Variants in RANBP17 observed in about 807,000 individuals in gnomAD.
RANBP17 encodes ran-binding protein 17.
A neutral mutation model predicts 141.2 loss-of-function variants in RANBP17; 158 were observed. The ratio of observed to expected loss-of-function variants is 1.12; its 90% CI spans 0.98 to 1.28. RANBP17 has a LOEUF of 1.28. Ranked by LOEUF, RANBP17 falls within the 50% of genes most tolerant of loss-of-function variation. The pLI, the probability that RANBP17 is intolerant of heterozygous loss-of-function variation, is 0.00. For missense variants in RANBP17, 1,438 were observed against 1,290.7 expected (o/e 1.11, Z -1.75); for synonymous variants, 430 against 450.0 (o/e 0.96, Z 0.56).
At chr5:171,006,633 A>G (rs1344061534) in intron 14 of RANBP17, among the ~76,000 whole-genome samples, 2 of 152,040 alleles carry the variant, frequency 1.3e-5, no homozygotes, top group Non-Finnish European at 2.9e-5. Flanking sequence ...ATTAGGAGAT[A>G]TACCTAATGT....
At chr5:170,998,835 T>A (rs368117466) in intron 14 of RANBP17, among the ~76,000 whole-genome samples, 12 of 152,304 alleles carry the variant, frequency 7.9e-5, no homozygotes, top group African/African-American at 2.9e-4. Context: ...TCAGATTTTT[T>A]CTAGTAATTT....
At chr5:171,006,131 G>C (rs566724810) in intron 14 of RANBP17, among the ~76,000 whole-genome samples, 76 of 152,248 alleles carry the variant, frequency 5.0e-4, no homozygotes, top group Admixed American at 4.1e-3. Flanking sequence ...AATAGGAACA[G>C]TTTTACACTG....
rs1001993419 is a variant in RANBP17 at position 170,918,707 on chromosome 5, A to T, written c.955-6A>T. 6.3e-5 allele frequency: 101 copies of T among 1,591,194 alleles called. No individual in the cohort carries two copies. Among genetic ancestry groups the T allele is most frequent in the Non-Finnish European group, 8.4e-5 (98 of 1,170,232 alleles). ...TTTAAGCCTTTCTTTTTGTCTCATA[A>T]TTTAGGGTTTGTCTGATCCAGGTAA... On this transcript the variant is annotated splice_region_variant and splice_polypyrimidine_tract_variant and intron_variant, in intron 9 of 27. Transcript: ENST00000523189.
intron 14 of RANBP17, among the ~76,000 whole-genome samples, chr5:171,058,139 C>T (rs1015077083): frequency 2.0e-5 from 3 of 151,832 alleles, no homozygotes; most frequent in Non-Finnish European, 1.5e-5. Context: ...TCTCTCTTAC[C>T]TCACTAATAA....
intron 24 of RANBP17, among the ~76,000 whole-genome samples, chr5:171,259,581 A>T (rs560692472): frequency 6.6e-6 from 1 of 152,366 alleles, no homozygotes; most frequent in East Asian, 1.9e-4. Context: ...ACATGGATGG[A>T]ACTGGAGAAG....
chr5:170,934,148 G>C (rs1773655368), intron 12 of RANBP17, among the ~76,000 whole-genome samples: 1 of 152,166 alleles, frequency 6.6e-6, no homozygotes, highest in Admixed American at 6.5e-5. Flanking sequence ...TTGCTGAATT[G>C]ATCCCTTTAC....
At chr5:171,274,601 T>C (rs1767378408) in intron 25 of RANBP17, among the ~76,000 whole-genome samples, 1 of 152,190 alleles carries the variant, frequency 6.6e-6, no homozygotes, top group South Asian at 2.1e-4. Flanking sequence ...ATTAACATTG[T>C]AGCCATAAGA....
Position 171,206,076 on chromosome 5 carries a change from A to G in RANBP17, c.2231+464A>G, listed in dbSNP as rs1486545121. On this transcript the variant is annotated intron_variant, in intron 20 of 27. Transcript: ENST00000523189. ...AATGGACATGGAAAGGGAAAAATAAATAAGTCAAGGTTTGTCATTTGGTGT... is the reference window on the plus strand; with the variant it reads ...AATGGACATGGAAAGGGAAAAATAAGTAAGTCAAGGTTTGTCATTTGGTGT... 7 of 288,758 alleles carry G rather than the reference A, an allele frequency of 2.4e-5. No individual in the cohort carries two copies. In the Admixed American group the frequency reaches 2.9e-4, roughly 12 times the overall value. The allele number at this position is 288,758 out of a possible 1,614,324, so 17.9% of individuals were successfully genotyped here.
At chr5:171,276,609 CT>C (rs771590786) in intron 25 of RANBP17, among the ~76,000 whole-genome samples, 7 of 152,140 alleles carry the variant, frequency 4.6e-5, no homozygotes, top group Admixed American at 2.0e-4. Context: ...TCTGTCATCT[CT>C]CTTTTATCTA....
At chr5:170,928,409 T>C (rs746488256) in intron 12 of RANBP17, among the ~76,000 whole-genome samples, 15 of 152,230 alleles carry the variant, frequency 9.9e-5, no homozygotes, top group Non-Finnish European at 1.9e-4. Context: ...TTATGAAATC[T>C]TTTCTAACCT....
chr5:171,245,218 G>A (rs1765141217), intron 24 of RANBP17, among the ~76,000 whole-genome samples: 1 of 152,060 alleles, frequency 6.6e-6, no homozygotes, highest in Non-Finnish European at 1.5e-5. Context: ...TCTCCTTATG[G>A]GTCATGTTTT....
Position 170,862,054 on chromosome 5 carries a change from C to CA in RANBP17, c.18+4dup. On this transcript the variant is annotated splice_donor_region_variant and intron_variant, in intron 1 of 27. Coordinates refer to ENST00000523189, the MANE Select transcript of RANBP17 (RefSeq NM_022897.5). ...GGAAGATGGCGCTGCACTTCCAGGT[C>CA]AGTGTGCTCTGCGCCGCGGGCCCGC... The CA allele has an allele frequency of 6.8e-7, 1 of 1,461,804 alleles. No individual in the cohort carries two copies. Among genetic ancestry groups the CA allele is most frequent in the Non-Finnish European group, 9.0e-7 (1 of 1,113,886 alleles). 90.6% of individuals were successfully genotyped at this position (1,461,804 alleles called of 1,614,324 possible).
intron 14 of RANBP17, among the ~76,000 whole-genome samples, chr5:170,999,603 G>A (rs144480625): frequency 5.9e-4 from 89 of 152,134 alleles, no homozygotes; most frequent in African/African-American, 1.6e-3. Context: ...TTGTTTTTAC[G>A]TGCTTAGAAA....
chr5:171,061,759 G>A lies in RANBP17; in HGVS notation c.1710+93382G>A, dbSNP rs551048117. Among the ~76,000 whole-genome samples the A allele has an allele frequency of 4.1e-4, 62 of 152,250 alleles. 1 individual carries two copies. The South Asian group carries it at 0.012, about 31-fold the overall frequency. On this transcript the variant is annotated intron_variant, in intron 14 of 27. Coordinates refer to ENST00000523189, the MANE Select transcript of RANBP17 (RefSeq NM_022897.5). The stretch of plus-strand genomic sequence containing the variant: ...CATTGATCTGTCTAATGTTGACAGT[G>A]GGGTGTTAAAATCTCCCATTATTAA...
chr5:170,960,449 C>T (rs1776048409), intron 13 of RANBP17, among the ~76,000 whole-genome samples: 1 of 152,198 alleles, frequency 6.6e-6, no homozygotes, highest in Non-Finnish European at 1.5e-5. Flanking sequence ...CCCTGGCTCT[C>T]TTCACATGTC....
intron 20 of RANBP17, among the ~76,000 whole-genome samples, chr5:171,213,076 G>A (rs2127971828): frequency 6.6e-6 from 1 of 152,272 alleles, no homozygotes; most frequent in African/African-American, 2.4e-5. Flanking sequence ...TGGAGCTACA[G>A]TGAGACCAAA....
At chr5:171,161,822 A>G (rs765074833) in intron 14 of RANBP17, among the ~76,000 whole-genome samples, 43 of 152,142 alleles carry the variant, frequency 2.8e-4, no homozygotes, top group African/African-American at 8.2e-4. Flanking sequence ...TCTGTTATTG[A>G]ACAGTGTCTA....
intron 25 of RANBP17, among the ~76,000 whole-genome samples, chr5:171,288,970 C>T (rs1487254082): frequency 1.3e-5 from 2 of 152,206 alleles, no homozygotes; most frequent in African/African-American, 2.4e-5. Context: ...AGTATGTAAC[C>T]ATTTTAAGTT....
At chr5:171,233,087 T>C (rs1764305632) in intron 22 of RANBP17, among the ~76,000 whole-genome samples, 2 of 152,140 alleles carry the variant, frequency 1.3e-5, no homozygotes, top group South Asian at 4.1e-4. Flanking sequence ...ATGCCTGTAG[T>C]CCTAGCACTT....
Sources: allele counts gnomAD v4.1 joint callset (sites outside exome capture counted in the v4.1 genomes callset), GRCh38; gene constraint gnomAD v4.1.1; transcripts MANE v1.5; gene names NCBI Gene and HGNC (gene_info 2026-07-23, HGNC 2026-07-21).